Variants in USP25 observed in about 807,000 individuals in gnomAD.
The protein encoded by USP25 is ubiquitin specific peptidase 25.
Under a neutral mutation model 158.5 loss-of-function variants are expected in USP25, and 85 were observed. That is an observed-to-expected ratio of 0.54 (90% CI 0.45 to 0.64). The LOEUF (loss-of-function observed/expected upper bound fraction) is 0.64, where lower values mean the gene tolerates loss of function less well. Ranked by LOEUF, USP25 falls within the 30% of genes least tolerant of loss-of-function variation. The probability of loss-of-function intolerance (pLI) is 0.00; values close to 1 mark genes in which losing one functional copy is unlikely to be tolerated. For missense variants in USP25, 1,242 were observed against 1,327.3 expected (o/e 0.94, Z 1.00); for synonymous variants, 464 against 460.4 (o/e 1.01, Z -0.10).
chr21:15,772,478 AAAT>A (rs1288097962), intron 3 of USP25, among the ~76,000 whole-genome samples: 1 of 152,190 alleles, frequency 6.6e-6, no homozygotes, highest in Non-Finnish European at 1.5e-5. Context: ...AGTTGGTTAA[AAAT>A]AATGTTTTTA....
At chr21:15,838,829 A>G (rs553183632) in intron 17 of USP25, among the ~76,000 whole-genome samples, 10 of 152,272 alleles carry the variant, frequency 6.6e-5, no homozygotes, top group African/African-American at 2.2e-4. Context: ...ATTGGTGGTA[A>G]AGTTGACCTT....
At chr21:15,834,304 AAT>A (rs1336940835) in intron 17 of USP25, among the ~76,000 whole-genome samples, 1 of 152,194 alleles carries the variant, frequency 6.6e-6, no homozygotes, top group Admixed American at 6.5e-5. Context: ...CTGAGTTGCA[AAT>A]ATGTTTTAGG....
chr21:15,780,127 T>C (rs1025109295), intron 4 of USP25, among the ~76,000 whole-genome samples: 7 of 152,192 alleles, frequency 4.6e-5, no homozygotes, highest in African/African-American at 1.7e-4. Context: ...TCTTCATTAC[T>C]GAAGTTGATA....
Position 15,843,402 on chromosome 21 carries a change from C to T in USP25, c.2337+862C>T, listed in dbSNP as rs190242437. 6.6e-6 allele frequency among the ~76,000 whole-genome samples: 1 copy of T among 152,238 alleles called. No homozygotes were observed. The highest frequency in any genetic ancestry group is 1.5e-5 in the Non-Finnish European group (1 of 68,014). On this transcript the variant is annotated intron_variant, in intron 18 of 25. Coordinates refer to ENST00000400183, the MANE Select transcript of USP25 (RefSeq NM_001283041.3). This position sits in a 1 kb window ranked among gnomAD's most constrained non-coding sequence, Gnocchi z 4.0. ...TAAGTGAATTCAGTGCCAGCAATAA[C>T]CTGCTAATTGCAATGAGGCCTTAAA...
At chr21:15,849,200 T>G (rs1374745358) in intron 19 of USP25, among the ~76,000 whole-genome samples, 1 of 152,196 alleles carries the variant, frequency 6.6e-6, no homozygotes, top group Non-Finnish European at 1.5e-5. Flanking sequence ...AACACTATCT[T>G]TTTTGCAAGT....
intron 10 of USP25, among the ~76,000 whole-genome samples, chr21:15,822,256 A>G (rs1412291660): frequency 6.6e-6 from 1 of 152,002 alleles, no homozygotes; most frequent in Non-Finnish European, 1.5e-5. Context: ...GAATTTACAG[A>G]ATGTCTGGTT....
chr21:15,841,882 G>A (rs755765898), intron 17 of USP25, among the ~76,000 whole-genome samples: 5 of 152,214 alleles, frequency 3.3e-5, no homozygotes, highest in South Asian at 2.1e-4. Context: ...AGGAGATATC[G>A]TGAATTTTTA....
chr21:15,748,454 GTTTTTTTTTTTTTT>G (rs71331787), intron 1 of USP25, among the ~76,000 whole-genome samples: 19 of 79,010 alleles, frequency 2.4e-4, no homozygotes, highest in African/African-American at 1.0e-3. Flanking sequence ...CTACTTTTTA[GTTTTTTTTTTTTTT>G]TTTTTTTTTT....
At chr21:15,874,744 T>A (rs951086685) in intron 24 of USP25, among the ~76,000 whole-genome samples, 2 of 152,196 alleles carry the variant, frequency 1.3e-5, no homozygotes, top group African/African-American at 4.8e-5. Context: ...AAATGAGAAA[T>A]GTTCTTAAAA....
intron 3 of USP25, among the ~76,000 whole-genome samples, chr21:15,769,926 T>A (rs1038995167): frequency 2.6e-5 from 4 of 152,034 alleles, no homozygotes; most frequent in African/African-American, 9.7e-5. Context: ...AGACTTGAAA[T>A]GAGTGACAGG....
chr21:15,857,865 G>C (rs1201152406), intron 20 of USP25, among the ~76,000 whole-genome samples: 2 of 151,990 alleles, frequency 1.3e-5, no homozygotes. Context: ...AGTTTTCTCT[G>C]AATAGTAAAA....
At chr21:15,840,917 C>T (rs1337182059) in intron 17 of USP25, among the ~76,000 whole-genome samples, 1 of 152,126 alleles carries the variant, frequency 6.6e-6, no homozygotes, top group African/African-American at 2.4e-5. Flanking sequence ...CTCTCCCAGC[C>T]CTAAAGCAGC....
chr21:15,811,196 T>C lies in USP25; in HGVS notation c.917T>C (p.Val306Ala). 1 of 1,612,688 alleles carries C rather than the reference T, an allele frequency of 6.2e-7. No individual in the cohort carries two copies. Among genetic ancestry groups the C allele is most frequent in the East Asian group, 2.2e-5 (1 of 44,786 alleles). ...TTGTTCTATGGCAGATTCCTGGCTG[T>C]GGGAGTACTTGAAGGTAGAGTTATA... ...VELFYGRFLA[V>A]GVLEGKKFEN... Residue 306 changes from valine to alanine, a missense_variant, in exon 9 of 26, where the codon GTG (valine) becomes GCG (alanine). This residue lies in a region of USP25 where 627 missense variants were observed against 701.4 expected (regional missense o/e 0.89). Transcript: ENST00000400183.
intron 1 of USP25, among the ~76,000 whole-genome samples, chr21:15,743,477 G>C (rs947048772): frequency 6.6e-6 from 1 of 152,196 alleles, no homozygotes; most frequent in Admixed American, 6.5e-5. Flanking sequence ...GTGTGAGGGG[G>C]CCCCAAAAGC....
intron 1 of USP25, among the ~76,000 whole-genome samples, chr21:15,733,848 A>G (rs1470819069): frequency 6.6e-6 from 1 of 152,188 alleles, no homozygotes; most frequent in African/African-American, 2.4e-5. Flanking sequence ...TGTCAAAAAA[A>G]CAAAAAACCA....
intron 3 of USP25, among the ~76,000 whole-genome samples, chr21:15,767,054 CACTT>C (rs940260575): frequency 2.0e-5 from 3 of 152,032 alleles, no homozygotes; most frequent in Non-Finnish European, 2.9e-5. Flanking sequence ...ACTCCTGTCT[CACTT>C]AGTTAATAGG....
chr21:15,761,885 C>G (rs1233915946), intron 1 of USP25, among the ~76,000 whole-genome samples: 2 of 152,168 alleles, frequency 1.3e-5, no homozygotes, highest in African/African-American at 2.4e-5. Flanking sequence ...CTTGATGTCT[C>G]TCTCTGCCCT....
At position 15,818,734 on chromosome 21, in the gene USP25, A is replaced by G. The variant is rs2037077503; in HGVS notation, c.968A>G (p.Tyr323Cys). The G allele has an allele frequency of 6.2e-7, 1 of 1,613,418 alleles. No homozygotes were observed. Residue 323 changes from tyrosine (Y) to cysteine (C), a missense_variant, in exon 10 of 26, where the codon TAC becomes TGC. Tyr to Cys is a radical substitution (Grantham distance 194, BLOSUM62 -2). Around this residue, in one of 3 missense-constraint regions of USP25, gnomAD observed 627 missense variants for 701.4 expected, o/e 0.89. Transcript: ENST00000400183. ...GAAAACACTGAAATGTTTGGTCAGT[A>G]CCCACTTCAGGTCAATGGGTTCAAA... Reference protein sequence around the residue: ...KFENTEMFGQYPLQVNGFKDL... With the variant: ...KFENTEMFGQCPLQVNGFKDL...
intron 23 of USP25, among the ~76,000 whole-genome samples, 181 bp downstream of exon 23, chr21:15,870,328 C>A (rs1407086095): frequency 6.6e-6 from 1 of 151,772 alleles, no homozygotes; most frequent in Non-Finnish European, 1.5e-5. Context: ...TCCCATATAC[C>A]CCACATAAAA....
Sources: allele counts gnomAD v4.1 joint callset (sites outside exome capture counted in the v4.1 genomes callset), GRCh38; gene constraint gnomAD v4.1.1; regional missense constraint gnomAD v4.1.1; non-coding constraint Gnocchi (gnomAD v3.1); transcripts MANE v1.5; gene names NCBI Gene and HGNC (gene_info 2026-07-23, HGNC 2026-07-21).